Variants in RBBP8 observed in about 807,000 individuals in gnomAD.
RBBP8 encodes RB binding protein 8, endonuclease, also known as DNA endonuclease RBBP8.
Under a neutral mutation model 108.3 loss-of-function variants are expected in RBBP8, and 88 were observed. That is an observed-to-expected ratio of 0.81 (90% confidence interval 0.68 to 0.97). RBBP8 has a LOEUF of 0.97. Ranked by LOEUF, RBBP8 falls within the 50% of genes least tolerant of loss-of-function variation. RBBP8 has a pLI of 0.00. For missense variants in RBBP8, 1,023 were observed against 1,049.0 expected, an observed-to-expected ratio of 0.98 and a Z score of 0.34; for synonymous variants, 332 against 348.2, an observed-to-expected ratio of 0.95 and a Z score of 0.52.
intron 3 of RBBP8, among the ~76,000 whole-genome samples, chr18:22,924,086 C>A (rs79849827): frequency 0.027 from 4,046 of 151,350 alleles, 78 homozygotes; most frequent in South Asian, 0.066. Context: ...CTTTTAGTTA[C>A]CTCCTACAGT....
chr18:22,938,749 C>T (rs1043872868), intron 2 of RBBP8, among the ~76,000 whole-genome samples: 1 of 152,226 alleles, frequency 6.6e-6, no homozygotes, highest in African/African-American at 2.4e-5. Flanking sequence ...AAATTCTTTG[C>T]AGGATATAGA....
intron 12 of RBBP8, among the ~76,000 whole-genome samples, chr18:22,994,680 T>G (rs975232038): frequency 6.6e-6 from 1 of 151,674 alleles, no homozygotes; most frequent in Admixed American, 6.6e-5. Flanking sequence ...TTGTTTGCCT[T>G]AAGATATATA....
intron 2 of RBBP8, among the ~76,000 whole-genome samples, chr18:22,939,532 A>T (rs150956062): frequency 5.6e-4 from 85 of 152,278 alleles, no homozygotes; most frequent in Admixed American, 1.7e-3. Context: ...GTCTCAAAAA[A>T]AAAAAGAACT....
intron 2 of RBBP8, among the ~76,000 whole-genome samples, chr18:22,916,476 G>C (rs1003403902): frequency 1.3e-5 from 2 of 151,822 alleles, no homozygotes; most frequent in Non-Finnish European, 2.9e-5. Context: ...CTTCCACCAA[G>C]ACCAGTAATT....
At chr18:22,933,719 C>G (rs1910216331) in intron 1 of RBBP8, 155 bp downstream of exon 1, 1 of 152,572 alleles carries the variant, frequency 6.6e-6, no homozygotes, top group Non-Finnish European at 1.5e-5. Context: ...CCGGGCTACA[C>G]TCGGTGGTGG....
At chr18:22,983,375 C>G (rs1598704136) in intron 7 of RBBP8, among the ~76,000 whole-genome samples, 1 of 152,142 alleles carries the variant, frequency 6.6e-6, no homozygotes, top group East Asian at 1.9e-4. Flanking sequence ...GACAGTTTTC[C>G]CCCACTTTAT....
chr18:22,954,676 A>G (rs932115569), intron 4 of RBBP8, among the ~76,000 whole-genome samples: 2 of 152,126 alleles, frequency 1.3e-5, no homozygotes, highest in Admixed American at 1.3e-4. Context: ...CAGCTCCACT[A>G]GACAGTGTCC....
chr18:23,000,566 A>G (rs1428782336), intron 14 of RBBP8, among the ~76,000 whole-genome samples: 1 of 152,008 alleles, frequency 6.6e-6, no homozygotes, highest in Non-Finnish European at 1.5e-5. Context: ...ACACGGTGAA[A>G]CCCCATCTCT....
chr18:22,975,077 CAT>C, intron 5 of RBBP8, 74 bp from the exon 6 acceptor site: 2 of 1,457,924 alleles, frequency 1.4e-6, no homozygotes, highest in Admixed American at 2.0e-5. Context: ...TACATGCTGA[CAT>C]ATTTTATTTG....
intron 6 of RBBP8, 115 bp downstream of exon 6, chr18:22,975,334 A>C: frequency 1.4e-6 from 2 of 1,431,416 alleles, no homozygotes; most frequent in South Asian, 2.7e-5. Context: ...CTGTAGTTAA[A>C]AAATACAAAG....
At chr18:23,021,353 T>G (rs2046343497) in intron 17 of RBBP8, among the ~76,000 whole-genome samples, 1 of 152,154 alleles carries the variant, frequency 6.6e-6, no homozygotes, top group Non-Finnish European at 1.5e-5. Context: ...AGTGGGAGGT[T>G]GCAGTGAGCC....
chr18:22,917,557 G>C (rs1314866706), intron 3 of RBBP8, among the ~76,000 whole-genome samples: 1 of 152,134 alleles, frequency 6.6e-6, no homozygotes, highest in African/African-American at 2.4e-5. Flanking sequence ...CCCTTTTACA[G>C]ACTATATAAT....
At chr18:22,941,295 G>A (rs1307181432) in intron 2 of RBBP8, among the ~76,000 whole-genome samples, 1 of 151,580 alleles carries the variant, frequency 6.6e-6, no homozygotes, top group African/African-American at 2.4e-5. Flanking sequence ...GCTCAGCCCC[G>A]CAAGTAGCTG....
chr18:23,013,389 G>T (rs1211491545), intron 16 of RBBP8, among the ~76,000 whole-genome samples: 1 of 152,148 alleles, frequency 6.6e-6, no homozygotes, highest in Non-Finnish European at 1.5e-5. Flanking sequence ...TTTTGGGTGG[G>T]ATCACAAGAT....
chr18:23,020,382 T>C (rs984832882), intron 17 of RBBP8, among the ~76,000 whole-genome samples: 10 of 151,962 alleles, frequency 6.6e-5, no homozygotes, highest in African/African-American at 1.9e-4. Context: ...GATTGCTCCA[T>C]TGCACTCCAG....
intron 2 of RBBP8, among the ~76,000 whole-genome samples, chr18:22,945,896 T>C (rs1598645908): frequency 6.6e-6 from 1 of 152,350 alleles, no homozygotes; most frequent in Admixed American, 6.5e-5. Context: ...CCTGTCAGTC[T>C]GCTTTCTTCT....
At chr18:22,947,208 T>G (rs1911634915) in intron 3 of RBBP8, among the ~76,000 whole-genome samples, 1 of 152,080 alleles carries the variant, frequency 6.6e-6, no homozygotes, top group South Asian at 2.1e-4. Flanking sequence ...ATTAAGAAAT[T>G]TAAAGAATTG....
In RBBP8 at chr18:22,942,846, C is replaced by T. The variant is rs1213377949; in HGVS notation, c.110-3598C>T. On this transcript the variant is annotated intron_variant, in intron 2 of 18. Transcript: ENST00000327155. ...ATTTAAAATATTTATTTTCAGAATA[C>T]CACTATTTTAATAAATGATCTTTTG... Among the ~76,000 whole-genome samples the T allele has an allele frequency of 2.0e-5, 3 of 152,012 alleles. No individual in the cohort carries two copies. In the East Asian group the frequency reaches 5.8e-4, roughly 29 times the overall value.
chr18:22,993,819 TA>T lies in RBBP8; in HGVS notation c.1915del (p.Ile639Ter). ...VLQLNPCRTG[K>X]IKSLQNNQDV... ...TTCAGTTAAATCCATGTAGAACTGGTAAAATAAAGTCTCTACAAAACAACCA... is the reference window on the plus strand; with the variant it reads ...TTCAGTTAAATCCATGTAGAACTGGTAAATAAAGTCTCTACAAAACAACCA... On this transcript the variant is annotated frameshift_variant, in exon 12 of 19. Transcript: ENST00000327155. LOFTEE classifies it high-confidence loss of function. The T allele has an allele frequency of 6.2e-7, 1 of 1,613,608 alleles. No individual in the cohort carries two copies. The highest frequency in any genetic ancestry group is 8.5e-7 in the Non-Finnish European group (1 of 1,179,612).
Sources: gnomAD v4.1 joint callset for allele counts (sites outside exome capture counted in the v4.1 genomes callset) on GRCh38, gnomAD v4.1.1 for gene constraint, MANE v1.5 for transcripts, NCBI Gene and HGNC (gene_info 2026-07-23, HGNC 2026-07-21) for gene names.